The following STPG2 variants were observed in gnomAD, a reference collection of about 807,000 sequenced individuals.
STPG2 encodes sperm-tail PG-rich repeat-containing protein 2.
Under a neutral mutation model 54.2 loss-of-function variants are expected in STPG2, and 56 were observed. The observed-to-expected ratio is 1.03, with a 90% confidence interval of 0.83 to 1.29. The LOEUF (loss-of-function observed/expected upper bound fraction) is 1.29. Ranked by LOEUF, STPG2 falls within the 50% of genes most tolerant of loss-of-function variation. STPG2 has a pLI of 0.00. For missense variants in STPG2, 596 were observed against 544.9 expected (o/e 1.09, Z -0.93); for synonymous variants, 200 against 181.8 (o/e 1.10, Z -0.81).
At chr4:97,728,877 CTG>C (rs1440346390) in intron 9 of STPG2, among the ~76,000 whole-genome samples, 1 of 151,250 alleles carries the variant, frequency 6.6e-6, no homozygotes, top group African/African-American at 2.4e-5. Flanking sequence ...TCAAAGAAAT[CTG>C]TGTGTTTGTG....
chr4:98,134,099 C>T (rs536248499), intron 2 of STPG2, among the ~76,000 whole-genome samples: 1 of 152,064 alleles, frequency 6.6e-6, no homozygotes, highest in South Asian at 2.1e-4. Context: ...TTCTCTCATT[C>T]TCAAGGACCA....
At chr4:97,731,621 G>T (rs979992889) in intron 9 of STPG2, among the ~76,000 whole-genome samples, 1 of 152,174 alleles carries the variant, frequency 6.6e-6, no homozygotes, top group Non-Finnish European at 1.5e-5. Flanking sequence ...AGATGCCTGG[G>T]CTGTTAGGTG....
In STPG2 at chr4:97,708,842, G is replaced by C. The variant is rs375673028; in HGVS notation, c.1320+3857C>G. On this transcript the variant is annotated intron_variant, in intron 10 of 10. Transcript: ENST00000295268. ...CTAATTCCTTCTTTAAAATTACCCA[G>C]AATGAGGGTTTTAGACAAGTGGGTA... 2.6e-5 allele frequency among the ~76,000 whole-genome samples: 4 copies of C among 150,998 alleles called. No individual in the cohort carries two copies. In the South Asian group the frequency reaches 6.2e-4, roughly 24 times the overall value.
intron 8 of STPG2, among the ~76,000 whole-genome samples, chr4:97,860,704 AT>A (rs1750884047): frequency 6.6e-6 from 1 of 152,082 alleles, no homozygotes; most frequent in Non-Finnish European, 1.5e-5. Context: ...TTCTAGATAC[AT>A]GACCGTATCA....
At chr4:97,536,049 C>A (rs755036651) in intron 4 of STPG2, among the ~76,000 whole-genome samples, 7 of 152,152 alleles carry the variant, frequency 4.6e-5, no homozygotes, top group Non-Finnish European at 8.8e-5. Context: ...AATCATACCA[C>A]CCTGCAGCTT....
intron 8 of STPG2, among the ~76,000 whole-genome samples, chr4:97,912,294 G>T (rs565152799): frequency 1.3e-5 from 2 of 152,258 alleles, no homozygotes; most frequent in South Asian, 4.1e-4. Context: ...CTCCAGCAAG[G>T]GCACAGAACT....
chr4:97,735,259 A>T (rs1289720679), intron 9 of STPG2, among the ~76,000 whole-genome samples: 1 of 151,634 alleles, frequency 6.6e-6, no homozygotes. Flanking sequence ...ATAGGTGTGT[A>T]TCTATATATA....
intron 9 of STPG2, among the ~76,000 whole-genome samples, chr4:97,821,544 A>G (rs965848565): frequency 6.6e-5 from 10 of 152,000 alleles, no homozygotes; most frequent in African/African-American, 2.4e-4. Context: ...GGGGCCTCCA[A>G]CCCCACATTT....
downstream of STPG2, among the ~76,000 whole-genome samples, chr4:97,557,132 G>C (rs1732096946): frequency 6.6e-6 from 1 of 151,982 alleles, no homozygotes; most frequent in Admixed American, 6.6e-5. Context: ...AGTGAGCTGA[G>C]ATCATGCCAT....
chr4:97,545,536 T>C (rs1290654395), intron 4 of STPG2, among the ~76,000 whole-genome samples: 1 of 151,918 alleles, frequency 6.6e-6, no homozygotes, highest in Non-Finnish European at 1.5e-5. Context: ...ATAAGTTAAG[T>C]GGTAGAAATG....
chr4:97,713,773 G>T (rs1325126700), intron 9 of STPG2, among the ~76,000 whole-genome samples: 1 of 152,148 alleles, frequency 6.6e-6, no homozygotes, highest in Non-Finnish European at 1.5e-5. Flanking sequence ...CCCAGGGTAC[G>T]GGACCTGTGG....
intron 4 of STPG2, among the ~76,000 whole-genome samples, chr4:97,490,325 ATG>A (rs1293744468): frequency 4.0e-5 from 6 of 151,496 alleles, no homozygotes; most frequent in Non-Finnish European, 7.4e-5. Flanking sequence ...GGCAAAGCCA[ATG>A]CGTTCTTTCA....
intron 4 of STPG2, among the ~76,000 whole-genome samples, chr4:97,452,114 G>A (rs1049050997): frequency 5.9e-5 from 1 of 17,014 alleles, no homozygotes; most frequent in African/African-American, 3.1e-4. Context: ...CAGGAGCCCC[G>A]CCCCCACCCC....
At chr4:97,699,839 G>A (rs542637018) in intron 10 of STPG2, among the ~76,000 whole-genome samples, 1 of 152,278 alleles carries the variant, frequency 6.6e-6, no homozygotes, top group South Asian at 2.1e-4. Context: ...TGGCATCAGT[G>A]GAGACCATGG....
chr4:97,555,539 T>C (rs537054768), downstream of STPG2, among the ~76,000 whole-genome samples: 1 of 152,188 alleles, frequency 6.6e-6, no homozygotes, highest in South Asian at 2.1e-4. Context: ...GAAAGAATGA[T>C]GGTGAGACAT....
chr4:97,481,361 G>T (rs550889402), intron 4 of STPG2, among the ~76,000 whole-genome samples: 1 of 151,558 alleles, frequency 6.6e-6, no homozygotes, highest in Non-Finnish European at 1.5e-5. Flanking sequence ...TGAGTAATTT[G>T]TATTTCCACA....
At chr4:97,921,419 C>T (rs1374601585) in intron 8 of STPG2, among the ~76,000 whole-genome samples, 3 of 151,840 alleles carry the variant, frequency 2.0e-5, no homozygotes, top group African/African-American at 7.3e-5. Context: ...ATCAGTAAAA[C>T]AATATGGAAA....
At chr4:97,971,432 G>A (rs1372005871) in intron 7 of STPG2, among the ~76,000 whole-genome samples, 1 of 152,102 alleles carries the variant, frequency 6.6e-6, no homozygotes, top group Non-Finnish European at 1.5e-5. Flanking sequence ...ACTAGTTTAA[G>A]AAAATGTGGC....
chr4:98,097,776 C>T lies in STPG2; in HGVS notation c.612+8177G>A, dbSNP rs1333216549. Among the ~76,000 whole-genome samples, 3 of 152,160 alleles carry T rather than the reference C, an allele frequency of 2.0e-5. No homozygotes were observed. The East Asian group carries it at 5.8e-4, about 29-fold the overall frequency. ...TGAACTGATAAATTCAGTAAAGTTG[C>T]AGGGTAAAAATCAACATATAAAAAT... is the stretch of plus-strand genomic sequence containing the variant. On this transcript the variant is annotated intron_variant, in intron 5 of 10. Coordinates refer to ENST00000295268, the MANE Select transcript of STPG2 (RefSeq NM_174952.3).
Sources: allele counts gnomAD v4.1 joint callset (sites outside exome capture counted in the v4.1 genomes callset), GRCh38; gene constraint gnomAD v4.1.1; transcripts MANE v1.5; gene names NCBI Gene and HGNC (gene_info 2026-07-23, HGNC 2026-07-21).